ESR1: variants seen among roughly 807,000 people sequenced by gnomAD.
The protein encoded by ESR1 is estrogen receptor 1.
ESR1 carries 12 observed loss-of-function variants against 52.7 expected under a neutral mutation model. That is an observed-to-expected ratio of 0.23 (90% confidence interval 0.15 to 0.37). The LOEUF is 0.37. Among genes scored for constraint, ESR1 ranks in the 10% least tolerant of loss-of-function variants. ESR1 has a pLI of 1.00. For synonymous variants in ESR1, 305 were observed against 316.8 expected, an observed-to-expected ratio of 0.96 and a Z score of 0.39; for missense variants, 584 against 779.7, an observed-to-expected ratio of 0.75 and a Z score of 2.99.
intron 2 of ESR1, among the ~76,000 whole-genome samples, chr6:151,722,048 T>C (rs189771668): frequency 6.6e-6 from 1 of 152,340 alleles, no homozygotes; most frequent in East Asian, 1.9e-4. Context: ...CCAGAGGCAC[T>C]GGGAAAGTCT....
At position 151,721,967 on chromosome 6, in the gene ESR1, G is replaced by A. The variant is rs563797373; in HGVS notation, c.-71+19962G>A. ...GTCCACAGACAAGTAAACTAGTCAA[G>A]TGATACCAGGCAAAGTGATTTGCTT... On this transcript the variant is annotated intron_variant, in intron 2 of 2. Transcript: ENST00000404742. Among the ~76,000 whole-genome samples, 10 of 152,342 alleles carry A rather than the reference G, an allele frequency of 6.6e-5. No individual in the cohort carries two copies. In the South Asian group the frequency reaches 1.9e-3, roughly 28 times the overall value.
chr6:151,745,227 C>T (rs999991539), intron 2 of ESR1, among the ~76,000 whole-genome samples: 1 of 152,086 alleles, frequency 6.6e-6, no homozygotes, highest in Non-Finnish European at 1.5e-5. Context: ...TACTGTGTTC[C>T]TTCTCCCCAC....
intron 1 of ESR1, among the ~76,000 whole-genome samples, chr6:151,667,726 G>A (rs754396600): frequency 6.6e-6 from 1 of 152,166 alleles, no homozygotes; most frequent in Non-Finnish European, 1.5e-5. Context: ...CAGCGACAAA[G>A]CATTTCTATG....
intron 2 of ESR1, 51 bp from the exon 3 acceptor site, chr6:151,880,604 C>A: frequency 8.9e-7 from 1 of 1,117,864 alleles, no homozygotes; most frequent in Non-Finnish European, 1.4e-6. Context: ...TAGATTCTGA[C>A]TGGCTAAGTT....
intron 4 of ESR1, among the ~76,000 whole-genome samples, chr6:151,971,080 T>C (rs894142329): frequency 6.6e-6 from 1 of 152,200 alleles, no homozygotes; most frequent in Non-Finnish European, 1.5e-5. Context: ...TTATACACCA[T>C]AGATAATTAA....
intron 6 of ESR1, among the ~76,000 whole-genome samples, chr6:152,081,740 AAGAAGAAAAGAG>A (rs1428964840): frequency 6.6e-6 from 1 of 152,104 alleles, no homozygotes; most frequent in Non-Finnish European, 1.5e-5. Flanking sequence ...AAGACTAATA[AAGAAGAAAAGAG>A]AGAAGAATCG....
intron 1 of ESR1, among the ~76,000 whole-genome samples, chr6:151,816,438 A>G (rs57578231): frequency 0.06 from 9,105 of 152,262 alleles, 535 homozygotes; most frequent in South Asian, 0.15. Context: ...GGATGATGTG[A>G]GGATTAAACA....
chr6:151,852,866 CA>C (rs1377093126), intron 2 of ESR1, among the ~76,000 whole-genome samples: 2 of 151,776 alleles, frequency 1.3e-5, no homozygotes, highest in African/African-American at 4.8e-5. Flanking sequence ...AAAGCCTTTG[CA>C]ATGAAACTTT....
intron 5 of ESR1, among the ~76,000 whole-genome samples, chr6:152,039,140 A>G (rs1225804761): frequency 6.6e-6 from 1 of 152,140 alleles, no homozygotes; most frequent in African/African-American, 2.4e-5. Flanking sequence ...TCTACAACCC[A>G]TTCTGTTTTC....
At chr6:151,827,533 C>T (rs1781714523) in intron 1 of ESR1, among the ~76,000 whole-genome samples, 1 of 152,064 alleles carries the variant, frequency 6.6e-6, no homozygotes, top group Admixed American at 6.5e-5. Context: ...CAAATCTTTA[C>T]AGAAGTGGAA....
intron 1 of ESR1, among the ~76,000 whole-genome samples, chr6:151,828,562 T>C (rs1055671808): frequency 5.9e-5 from 9 of 152,094 alleles, no homozygotes; most frequent in Admixed American, 3.9e-4. Flanking sequence ...GGCTGCAAAG[T>C]ACATGGAAGG....
upstream of ESR1, among the ~76,000 whole-genome samples, chr6:151,689,625 C>T (rs1295424705): frequency 6.6e-6 from 1 of 152,102 alleles, no homozygotes; most frequent in South Asian, 2.1e-4. Flanking sequence ...TTTTGAGATG[C>T]ACCTCTTACT....
intron 2 of ESR1, among the ~76,000 whole-genome samples, chr6:151,707,138 G>A (rs1196438077): frequency 1.3e-5 from 2 of 152,154 alleles, no homozygotes; most frequent in Non-Finnish European, 2.9e-5. Context: ...ATTTCAAAAT[G>A]AAATCATTAT....
chr6:151,732,570 T>C (rs570123830), intron 2 of ESR1, among the ~76,000 whole-genome samples: 1 of 151,298 alleles, frequency 6.6e-6, no homozygotes, highest in Non-Finnish European at 1.5e-5. Flanking sequence ...TTTTATGAGG[T>C]TTGTCTCATT....
intron 2 of ESR1, among the ~76,000 whole-genome samples, chr6:151,781,216 G>T (rs1174637704): frequency 6.6e-6 from 1 of 152,136 alleles, no homozygotes; most frequent in Non-Finnish European, 1.5e-5. Context: ...CTTGAGACTG[G>T]GTAATTTATA....
intron 2 of ESR1, among the ~76,000 whole-genome samples, chr6:151,751,541 G>A (rs879739189): frequency 6.6e-6 from 1 of 152,148 alleles, no homozygotes; most frequent in Non-Finnish European, 1.5e-5. Flanking sequence ...TGAAATCACT[G>A]TTGATAAAAG....
At chr6:151,907,379 A>C (rs75542456) in intron 3 of ESR1, among the ~76,000 whole-genome samples, 4 of 152,072 alleles carry the variant, frequency 2.6e-5, no homozygotes, top group African/African-American at 9.7e-5. Context: ...AATGACTTCT[A>C]ATAAAGTTTT....
At chr6:151,669,317 G>A (rs1777966899) in intron 1 of ESR1, among the ~76,000 whole-genome samples, 1 of 151,868 alleles carries the variant, frequency 6.6e-6, no homozygotes, top group Admixed American at 6.6e-5. Flanking sequence ...GAGCTTCTGA[G>A]GAAGTACAGG....
chr6:151,811,704 C>T (rs1778860797), intron 1 of ESR1, among the ~76,000 whole-genome samples: 4 of 152,120 alleles, frequency 2.6e-5, no homozygotes, highest in Admixed American at 2.6e-4. Context: ...GATAACATTT[C>T]AGCCCCCTTC....
Sources: gnomAD v4.1 joint callset for allele counts (sites outside exome capture counted in the v4.1 genomes callset) on GRCh38, gnomAD v4.1.1 for gene constraint, MANE v1.5 for transcripts, NCBI Gene and HGNC (gene_info 2026-07-23, HGNC 2026-07-21) for gene names.